Variants in CMC1 observed in about 807,000 individuals in gnomAD.
CMC1 encodes COX assembly mitochondrial protein homolog.
CMC1 carries 14 observed loss-of-function variants against 14.1 expected under a neutral mutation model. The ratio of observed to expected loss-of-function variants is 0.99; its 90% CI spans 0.66 to 1.55. The LOEUF (loss-of-function observed/expected upper bound fraction) is 1.55. Among genes scored for constraint, CMC1 ranks in the 40% most tolerant of loss-of-function variants. The pLI is 0.00. For synonymous variants in CMC1, 50 were observed against 38.4 expected (o/e 1.30, Z -1.12); for missense variants, 127 against 123.8 (o/e 1.03, Z -0.12).
intron 3 of CMC1, chr3:28,317,693 G>C (rs953217612): frequency 6.6e-6 from 1 of 152,020 alleles, no homozygotes; most frequent in African/African-American, 2.4e-5. Flanking sequence ...TTCAGCTTCT[G>C]TATCAGTGAG....
At chr3:28,290,485 T>C (rs1370520710) in intron 2 of CMC1, among the ~76,000 whole-genome samples, 1 of 152,132 alleles carries the variant, frequency 6.6e-6, no homozygotes, top group Non-Finnish European at 1.5e-5. Context: ...GAGAGCAGCC[T>C]GATTTTCATC....
chr3:28,242,856 G>T (rs914845060), intron 1 of CMC1, among the ~76,000 whole-genome samples: 27 of 152,096 alleles, frequency 1.8e-4, no homozygotes, highest in Non-Finnish European at 2.9e-5. Context: ...GTTGATCTGG[G>T]CTTTGAGGGA....
Position 28,274,206 on chromosome 3 carries a change from G to GTTTTT in CMC1, c.109+10827_109+10831dup, listed in dbSNP as rs1265139321. Reference sequence around the variant, plus strand: ...GTGTCATTGGTCTTTGTACTAAAGTGTTTTTGTTTTTTTCTTTTTTTTTTT... The same window carrying GTTTTT: ...GTGTCATTGGTCTTTGTACTAAAGTGTTTTTTTTTTGTTTTTTTCTTTTTTTTTTT... On this transcript the variant is annotated intron_variant, in intron 2 of 3. Transcript: ENST00000466830. Among the ~76,000 whole-genome samples the GTTTTT allele has an allele frequency of 8.1e-4, 67 of 83,050 alleles. 1 individual carries two copies. Among genetic ancestry groups the GTTTTT allele is most frequent in the East Asian group, 1.8e-3 (4 of 2,248 alleles). The allele number at this position is 83,050 out of a possible 152,430, so 54.5% of individuals were successfully genotyped here.
At chr3:28,255,389 C>T (rs1027582488) in intron 1 of CMC1, among the ~76,000 whole-genome samples, 4 of 151,816 alleles carry the variant, frequency 2.6e-5, no homozygotes, top group Non-Finnish European at 4.4e-5. Context: ...TATAGATGCG[C>T]GCCACCATGC....
At chr3:28,284,680 C>T (rs893380375) in intron 2 of CMC1, among the ~76,000 whole-genome samples, 3 of 152,000 alleles carry the variant, frequency 2.0e-5, no homozygotes, top group East Asian at 3.9e-4. Flanking sequence ...TTATCTAAAG[C>T]ACTCTTCTAT....
In CMC1 at chr3:28,294,460, C is replaced by A. The variant is rs145783285; in HGVS notation, c.110-21873C>A. On this transcript the variant is annotated intron_variant, in intron 2 of 3. Transcript: ENST00000466830. ...ACAAGTAAATTTTTGTGAAACATTG[C>A]AGATGTTAGATGGATTTGGGAGAAT... 4.0e-3 allele frequency: 3,894 copies of A among 974,778 alleles called. 9 individuals are homozygous for A. The highest frequency in any genetic ancestry group is 4.6e-3 in the Non-Finnish European group (3,735 of 820,372). The allele number at this position is 974,778 out of a possible 1,614,324, so 60.4% of individuals were successfully genotyped here.
chr3:28,316,419 G>C lies in CMC1; in HGVS notation c.196G>C (p.Ala66Pro). The C allele has an allele frequency of 6.4e-7, 1 of 1,567,134 alleles. No homozygotes were observed. Among genetic ancestry groups the C allele is most frequent in the South Asian group, 1.1e-5 (1 of 87,130 alleles). Residue 66 changes from alanine to proline, a missense_variant, in exon 3 of 4, where the codon GCT becomes CCT. Physicochemically the swap from Ala to Pro is conservative, Grantham distance 27. Transcript: ENST00000466830. ...ENSALKECLT[A>P]YYNDPAFYEE... ...TTCTGCATTGAAAGAATGTCTAACT[G>C]CTTAGTAAGTAGTTGTCTCAGCGTT...
intron 2 of CMC1, among the ~76,000 whole-genome samples, chr3:28,286,908 T>G (rs1429214301): frequency 1.3e-5 from 2 of 152,212 alleles, no homozygotes; most frequent in African/African-American, 4.8e-5. Flanking sequence ...GACTGGTCAT[T>G]AAAAAGCTGG....
At chr3:28,242,515 T>C (rs1386409683) in intron 1 of CMC1, among the ~76,000 whole-genome samples, 1 of 152,180 alleles carries the variant, frequency 6.6e-6, no homozygotes, top group African/African-American at 2.4e-5. Context: ...CATTGAGAGG[T>C]AAATGGCGTC....
rs148428866 is a variant in CMC1 at position 28,253,210 on chromosome 3, C to T, written c.20-10081C>T. On this transcript the variant is annotated intron_variant, in intron 1 of 3. Coordinates refer to ENST00000466830, the MANE Select transcript of CMC1 (RefSeq NM_182523.2). ...CTTAGTGAGAACTAACAATTGAGAA[C>T]GCTGGTCTCATTGTATTGTATATCA... Among the ~76,000 whole-genome samples the T allele has an allele frequency of 9.6e-3, 1,465 of 152,248 alleles. 11 individuals carry two copies. The highest frequency in any genetic ancestry group is 0.015 in the Non-Finnish European group (1,031 of 68,018).
Position 28,316,349 on chromosome 3 carries a change from C to A in CMC1, c.126C>A (p.Cys42Ter). ...TTATTTCAGATTTTACCAAATGTTG[C>A]AAGAACTCTGGAGTTCTTATGGTAG... ...SEQVQDFTKC[C>*]KNSGVLMVVK... Residue 42 changes from cysteine (C) to a stop codon, truncating the protein, a stop_gained, in exon 3 of 4, where the codon TGC (cysteine) becomes TGA (stop). Transcript: ENST00000466830. LOFTEE classifies it high-confidence loss of function. 1 of 1,567,002 alleles carries A rather than the reference C, an allele frequency of 6.4e-7. No individual in the cohort carries two copies. Among genetic ancestry groups the A allele is most frequent in the Non-Finnish European group, 8.6e-7 (1 of 1,157,218 alleles).
At chr3:28,244,886 G>T (rs889886022) in intron 1 of CMC1, among the ~76,000 whole-genome samples, 6 of 136,952 alleles carry the variant, frequency 4.4e-5, no homozygotes, top group African/African-American at 1.7e-4. Flanking sequence ...CAAGTAGGAA[G>T]GTTTTTTTTT....
chr3:28,299,641 G>T (rs1229734700), intron 2 of CMC1, among the ~76,000 whole-genome samples: 1 of 151,996 alleles, frequency 6.6e-6, no homozygotes, highest in Non-Finnish European at 1.5e-5. Context: ...ATAAGATGCT[G>T]CTGTCACAAT....
intron 2 of CMC1, among the ~76,000 whole-genome samples, chr3:28,279,981 A>G (rs928232765): frequency 2.6e-5 from 4 of 152,350 alleles, no homozygotes; most frequent in East Asian, 1.9e-4. Flanking sequence ...TAGTGTATCT[A>G]TCAGTAGCCA....
At chr3:28,289,499 G>A (rs764235982) in intron 2 of CMC1, among the ~76,000 whole-genome samples, 5 of 151,948 alleles carry the variant, frequency 3.3e-5, no homozygotes, top group Admixed American at 6.6e-5. Context: ...ATTTAGGGTC[G>A]TATTTTGGTG....
chr3:28,277,784 A>G (rs986967733), intron 2 of CMC1, among the ~76,000 whole-genome samples: 22 of 152,210 alleles, frequency 1.4e-4, no homozygotes, highest in African/African-American at 4.8e-4. Flanking sequence ...GCTAAGGGAC[A>G]CCAAAAAGGT....
chr3:28,305,925 C>T (rs1702285077), intron 2 of CMC1, among the ~76,000 whole-genome samples: 1 of 151,144 alleles, frequency 6.6e-6, no homozygotes, highest in Admixed American at 6.6e-5. Context: ...TTCCCCAGCA[C>T]CATTTATTGA....
rs1703223917 is a variant in CMC1, at chr3:28,322,692, C to G, written c.*3063C>G. The G allele has an allele frequency of 6.6e-6, 1 of 151,422 alleles. No individual in the cohort carries two copies. Among genetic ancestry groups the G allele is most frequent in the Non-Finnish European group, 1.5e-5 (1 of 67,358 alleles). The allele number at this position is 151,422 out of a possible 1,614,324, so 9.4% of individuals were successfully genotyped here. A position where few individuals can be genotyped will look rare whatever the true frequency, so the allele number is the denominator to read the frequency against. On this transcript the variant is annotated 3_prime_UTR_variant, in exon 4 of 4. Transcript: ENST00000466830. The stretch of plus-strand genomic sequence containing the variant: ...CCCTGAGTCAGCTGTGTTCATTGGT[C>G]AGAATAAATTCCAGCATCTGACACC...
chr3:28,313,076 C>T (rs1402799308), intron 2 of CMC1, among the ~76,000 whole-genome samples: 3 of 152,062 alleles, frequency 2.0e-5, no homozygotes, highest in African/African-American at 7.2e-5. Context: ...AGTCTGGACT[C>T]AAACTCCTGG....
Sources: gnomAD v4.1 joint callset for allele counts (sites outside exome capture counted in the v4.1 genomes callset) on GRCh38, gnomAD v4.1.1 for gene constraint, MANE v1.5 for transcripts, NCBI Gene and HGNC (gene_info 2026-07-23, HGNC 2026-07-21) for gene names.